RPS9: variants seen among roughly 807,000 people sequenced by gnomAD.
RPS9 encodes small ribosomal subunit protein uS4.
In RPS9, 1 loss-of-function variant was observed where a neutral mutation model predicts 16.9. That is an observed-to-expected ratio of 0.06 (90% confidence interval 0.02 to 0.28). The LOEUF is 0.28. Ranked by LOEUF, RPS9 falls within the 10% of genes least tolerant of loss-of-function variation. The pLI, the probability that RPS9 is intolerant of heterozygous loss-of-function variation, is 1.00. For missense variants in RPS9, 137 were observed against 273.2 expected, an observed-to-expected ratio of 0.50 and a Z score of 3.51; for synonymous variants, 106 against 110.9, an observed-to-expected ratio of 0.96 and a Z score of 0.28.
Position 54,201,247 on chromosome 19 carries a change from G to A in RPS9, c.63G>A (p.Glu21=). The change falls in exon 2 of 5, where the codon GAG becomes GAA. Residue 21 remains glutamate (E), a synonymous_variant. Transcript: ENST00000302907. ...ATGTGACCCCGCGGAGACCCTTCGA[G>A]AAATCTCGTCTCGACCAAGAGCTGA... The part of the protein sequence containing the change: ...KTYVTPRRPF[E]KSRLDQELKL... 1 of 1,614,186 alleles carries A rather than the reference G, an allele frequency of 6.2e-7. No homozygotes were observed. The highest frequency in any genetic ancestry group is 8.5e-7 in the Non-Finnish European group (1 of 1,180,042).
intron 3 of RPS9, among the ~76,000 whole-genome samples, chr19:54,204,605 G>A (rs780324541): frequency 9.9e-5 from 15 of 152,008 alleles, no homozygotes; most frequent in Non-Finnish European, 1.6e-4. Flanking sequence ...GTACAAATGC[G>A]GTCTCACTGT....
rs559531428 is a variant in RPS9, at chr19:54,203,295, A to G, written c.220+1686A>G. The G allele has an allele frequency of 1.0e-4, 99 of 985,370 alleles. No homozygotes were observed. The African/African-American group carries it at 1.6e-3, about 15-fold the overall frequency. 61.0% of individuals were successfully genotyped at this position (985,370 alleles called of 1,614,324 possible). ...GTTCAGGTGAGTACACTTTCTAGTAAATGAAGCCATCTAGCCTAGTCAGGG... is the reference window on the plus strand; with the variant it reads ...GTTCAGGTGAGTACACTTTCTAGTAGATGAAGCCATCTAGCCTAGTCAGGG... On this transcript the variant is annotated intron_variant, in intron 3 of 4. Transcript: ENST00000302907.
At chr19:54,201,334 A>G in intron 2 of RPS9, 53 bp downstream of exon 2, 1 of 1,613,234 alleles carries the variant, frequency 6.2e-7, no homozygotes, top group Admixed American at 1.7e-5. Flanking sequence ...GGCGGTTAGC[A>G]CGTGGATGAA....
rs555725068 is a variant in RPS9 at position 54,206,564 on chromosome 19, G to A, written c.407+102G>A. On this transcript the variant is annotated intron_variant, in intron 4 of 4. Coordinates refer to ENST00000302907, the MANE Select transcript of RPS9 (RefSeq NM_001013.4). ...TATCTCCTATGCAGCCCTCGGAGGT[G>A]ATGGGTGTGAACTCACCCAGAGGGT... is the stretch of plus-strand genomic sequence containing the variant. 2.0e-5 allele frequency: 31 copies of A among 1,561,324 alleles called. No homozygotes were observed. The East Asian group carries it at 2.2e-4, about 11-fold the overall frequency.
intron 3 of RPS9, among the ~76,000 whole-genome samples, chr19:54,205,650 G>T (rs1248391086): frequency 6.6e-6 from 1 of 152,022 alleles, no homozygotes; most frequent in African/African-American, 2.4e-5. Flanking sequence ...GCTGCATTTG[G>T]TCTTTTGCAG....
At chr19:54,202,976 G>T (rs112312277) in intron 3 of RPS9, 59,092 of 965,930 alleles carry the variant, frequency 0.061, 1,961 homozygotes, top group Non-Finnish European at 0.068. Flanking sequence ...GGGGTTACAG[G>T]TGTAAGCCAC....
chr19:54,207,170 C>T, intron 4 of RPS9: 2 of 542,690 alleles, frequency 3.7e-6, no homozygotes, highest in Admixed American at 3.5e-5. Flanking sequence ...TTTCGGATTT[C>T]TCCTATAAAA....
At chr19:54,205,972 C>T (rs547529884) in intron 3 of RPS9, among the ~76,000 whole-genome samples, 13 of 152,286 alleles carry the variant, frequency 8.5e-5, no homozygotes, top group African/African-American at 2.2e-4. Flanking sequence ...AGTGCGCCAA[C>T]GGCCTGGCTA....
rs753747154 is a variant in RPS9 at position 54,201,298 on chromosome 19, T to C, written c.97+17T>C. On this transcript the variant is annotated intron_variant, in intron 2 of 4. Transcript: ENST00000302907. ...AGCTGATCGGTGAGTGGCCAAGGCT[T>C]CCGGGAAGTGGTTCGGCTTCCGGGA... 1.2e-6 allele frequency: 2 copies of C among 1,613,958 alleles called. No homozygotes were observed. The highest frequency in any genetic ancestry group is 8.5e-7 in the Non-Finnish European group (1 of 1,179,924).
At chr19:54,202,220 C>T (rs67832260) in intron 3 of RPS9, among the ~76,000 whole-genome samples, 46,489 of 151,832 alleles carry the variant, frequency 0.31, 8,370 homozygotes, top group East Asian at 0.43. Context: ...AGTCTCGCTC[C>T]ATTGCCCATG....
At chr19:54,206,765 C>T (rs1379975302) in intron 4 of RPS9, 2 of 1,436,334 alleles carry the variant, frequency 1.4e-6, no homozygotes, top group Non-Finnish European at 1.8e-6. Context: ...AGAGAACCAG[C>T]CTCACCTCGC....
intron 3 of RPS9, chr19:54,202,648 A>G: frequency 2.0e-6 from 2 of 985,428 alleles, no homozygotes; most frequent in Non-Finnish European, 2.4e-6. Context: ...AGTGCTTTCT[A>G]CAGCAGATTG....
chr19:54,207,287 G>GTCTGCA (rs1479058162), intron 4 of RPS9, 111 bp from the exon 5 acceptor site: 92 of 891,590 alleles, frequency 1.0e-4, no homozygotes, highest in Non-Finnish European at 1.4e-5. Flanking sequence ...GCGCCTTGGT[G>GTCTGCA]TCTGCAGCCG....
intron 3 of RPS9, chr19:54,202,583 T>C (rs541488019): frequency 1.4e-5 from 14 of 984,696 alleles, no homozygotes; most frequent in East Asian, 2.3e-4. Context: ...AAATTGAAAA[T>C]GTACCATCTT....
At chr19:54,201,350 C>G in intron 2 of RPS9, 69 bp downstream of exon 2, 1 of 1,612,030 alleles carries the variant, frequency 6.2e-7, no homozygotes, top group Non-Finnish European at 8.5e-7. Flanking sequence ...ATGAAGGTGC[C>G]CATGTACTCT....
chr19:54,206,205 G>T, intron 3 of RPS9, 71 bp from the exon 4 acceptor site: 1 of 1,496,892 alleles, frequency 6.7e-7, no homozygotes. Flanking sequence ...ACCAAGAGGC[G>T]GAGCCAGGAT....
At chr19:54,204,726 C>G (rs1187660721) in intron 3 of RPS9, among the ~76,000 whole-genome samples, 1 of 152,152 alleles carries the variant, frequency 6.6e-6, no homozygotes, top group East Asian at 1.9e-4. Flanking sequence ...GCTTAAGTTT[C>G]CATTTTCTAA....
intron 3 of RPS9, chr19:54,202,617 T>G (rs943774312): frequency 1.0e-6 from 1 of 985,294 alleles, no homozygotes; most frequent in East Asian, 1.1e-4. Flanking sequence ...TAAAATCTAC[T>G]CTGAGATGCG....
At chr19:54,206,755 A>T in intron 4 of RPS9, 1 of 1,453,070 alleles carries the variant, frequency 6.9e-7, no homozygotes, top group Non-Finnish European at 9.1e-7. Context: ...CAGTGGAGGG[A>T]GAGAACCAGC....
Sources: gnomAD v4.1 joint callset for allele counts (sites outside exome capture counted in the v4.1 genomes callset) on GRCh38, gnomAD v4.1.1 for gene constraint, MANE v1.5 for transcripts, NCBI Gene and HGNC (gene_info 2026-07-23, HGNC 2026-07-21) for gene names.